BACH2: variants seen among roughly 807,000 people sequenced by gnomAD.
The protein encoded by BACH2 is transcription regulator protein BACH2.
BACH2 carries 5 observed loss-of-function variants against 61.8 expected under a neutral mutation model. The observed-to-expected ratio is 0.08, with a 90% CI of 0.04 to 0.17. The LOEUF is 0.17. BACH2 is among the 10% of genes least tolerant of loss of function. The pLI is 1.00. For missense variants in BACH2, 824 were observed against 1,091.1 expected (o/e 0.76, Z 3.45); for synonymous variants, 446 against 440.1 (o/e 1.01, Z -0.17).
intron 4 of BACH2, among the ~76,000 whole-genome samples, chr6:90,199,535 T>C (rs1768883892): frequency 6.6e-6 from 1 of 152,192 alleles, no homozygotes; most frequent in South Asian, 2.1e-4. Flanking sequence ...CTCAATTACA[T>C]GGTAAGTTGT....
In BACH2 at chr6:89,928,217, T is replaced by C. The variant is rs923441357; in HGVS notation, c.*4191A>G. The C allele has an allele frequency of 2.0e-5, 3 of 152,356 alleles. No individual in the cohort carries two copies. Among genetic ancestry groups the C allele is most frequent in the African/African-American group, 7.2e-5 (3 of 41,460 alleles). The allele number at this position is 152,356 out of a possible 1,614,324, so 9.4% of individuals were successfully genotyped here. On this transcript the variant is annotated 3_prime_UTR_variant, in exon 9 of 9. Transcript: ENST00000257749. ...TTCTTGCTCCTTCTGGATCTGAGAC[T>C]CCTCCTAAACTGTAAGCAATAGTGA...
At chr6:90,184,466 AC>A (rs1443140640) in intron 4 of BACH2, among the ~76,000 whole-genome samples, 1 of 152,176 alleles carries the variant, frequency 6.6e-6, no homozygotes, top group Non-Finnish European at 1.5e-5. Flanking sequence ...TCTCTGGCTA[AC>A]CTTCCTCCCT....
intron 4 of BACH2, among the ~76,000 whole-genome samples, chr6:90,093,251 G>GA (rs1188579972): frequency 1.3e-5 from 2 of 152,166 alleles, no homozygotes; most frequent in Non-Finnish European, 2.9e-5. Flanking sequence ...CAGTCTCAAA[G>GA]AGACGGCCAC....
intron 3 of BACH2, among the ~76,000 whole-genome samples, chr6:90,235,062 C>CT (rs1770214760): frequency 6.6e-6 from 1 of 152,172 alleles, no homozygotes; most frequent in Admixed American, 6.5e-5. Flanking sequence ...ATGGTAAAAT[C>CT]TTTTTTGCTT....
rs1270873701 is a variant in BACH2 at position 89,927,469 on chromosome 6, G to A, written c.*4939C>T. The A allele has an allele frequency of 2.6e-5, 4 of 152,806 alleles. No homozygotes were observed. Among genetic ancestry groups the A allele is most frequent in the African/African-American group, 9.6e-5 (4 of 41,464 alleles). 9.5% of individuals were successfully genotyped at this position (152,806 alleles called of 1,614,324 possible). Reference sequence around the variant, plus strand: ...CATGGGAGCACTTGGCACTGAATGTGAGTCTACCTGAAATGAATGGTCTTG... The same window carrying A: ...CATGGGAGCACTTGGCACTGAATGTAAGTCTACCTGAAATGAATGGTCTTG... On this transcript the variant is annotated 3_prime_UTR_variant, in exon 9 of 9. Transcript: ENST00000257749.
rs867799387 is a variant in BACH2, at chr6:90,128,588, C to T, written c.-161-39479G>A. Among the ~76,000 whole-genome samples the T allele has an allele frequency of 1.5e-4, 23 of 152,158 alleles. No individual in the cohort carries two copies. In the Middle Eastern group the frequency reaches 0.01, roughly 68 times the overall value. ...GGGCGAGACTCTGTCTCAACAACAA[C>T]AACAAAAAATTTTACACTGTTGGTG... On this transcript the variant is annotated intron_variant, in intron 4 of 8. Coordinates refer to ENST00000257749, the MANE Select transcript of BACH2 (RefSeq NM_021813.4).
intron 4 of BACH2, among the ~76,000 whole-genome samples, chr6:90,096,661 C>T (rs552666686): frequency 6.6e-6 from 1 of 152,266 alleles, no homozygotes; most frequent in African/African-American, 2.4e-5. Flanking sequence ...AGACATTGCC[C>T]TGGGGATCTG....
chr6:90,110,411 T>C (rs1016708371), intron 4 of BACH2, among the ~76,000 whole-genome samples: 2 of 152,248 alleles, frequency 1.3e-5, no homozygotes, highest in African/African-American at 4.8e-5. Context: ...CATTACCCAT[T>C]TGGTCATTTG....
chr6:89,942,278 A>G (rs1296919490), intron 7 of BACH2, among the ~76,000 whole-genome samples: 1 of 152,180 alleles, frequency 6.6e-6, no homozygotes, highest in African/African-American at 2.4e-5. Flanking sequence ...TCTGGAAATA[A>G]GGAGTAGCCA....
intron 4 of BACH2, among the ~76,000 whole-genome samples, chr6:90,191,936 A>G (rs1401102075): frequency 2.0e-5 from 3 of 152,238 alleles, no homozygotes; most frequent in Non-Finnish European, 1.5e-5. Context: ...AGATTTTGAC[A>G]TATTAAAAAC....
intron 4 of BACH2, among the ~76,000 whole-genome samples, chr6:90,197,832 T>C (rs959886414): frequency 6.6e-6 from 1 of 152,222 alleles, no homozygotes; most frequent in South Asian, 2.1e-4. Flanking sequence ...AAGAAAATAC[T>C]AGGCACTCCT....
chr6:90,164,840 A>C (rs1456661756), intron 4 of BACH2, among the ~76,000 whole-genome samples: 3 of 152,214 alleles, frequency 2.0e-5, no homozygotes, highest in Non-Finnish European at 1.5e-5. Flanking sequence ...AGATGCAGAA[A>C]AGGCCTTTGA....
chr6:90,090,345 C>T (rs1782109874), intron 4 of BACH2, among the ~76,000 whole-genome samples: 1 of 152,062 alleles, frequency 6.6e-6, no homozygotes, highest in African/African-American at 2.4e-5. Flanking sequence ...TTTTCTTACG[C>T]AGGTTCCCAG....
intron 5 of BACH2, among the ~76,000 whole-genome samples, chr6:90,075,493 G>A (rs1390510984): frequency 6.6e-6 from 1 of 152,090 alleles, no homozygotes; most frequent in Non-Finnish European, 1.5e-5. Context: ...GGCTTTCCAA[G>A]TGTGTTGGCT....
chr6:90,231,849 A>T (rs1770105219), intron 3 of BACH2, among the ~76,000 whole-genome samples: 1 of 152,334 alleles, frequency 6.6e-6, no homozygotes, highest in African/African-American at 2.4e-5. Context: ...TTATTTAATT[A>T]GTCAATATTT....
intron 4 of BACH2, among the ~76,000 whole-genome samples, chr6:90,166,158 G>A (rs752202642): frequency 4.6e-4 from 70 of 152,098 alleles, no homozygotes; most frequent in African/African-American, 6.5e-4. Context: ...AAATCTACTC[G>A]TCTGACAAAG....
intron 4 of BACH2, among the ~76,000 whole-genome samples, chr6:90,095,960 T>A (rs1340719417): frequency 1.3e-5 from 2 of 152,176 alleles, no homozygotes; most frequent in African/African-American, 4.8e-5. Flanking sequence ...CAACATGCAA[T>A]CTGAATCCAA....
intron 4 of BACH2, among the ~76,000 whole-genome samples, chr6:90,143,949 T>C (rs1465191387): frequency 6.6e-6 from 1 of 152,182 alleles, no homozygotes; most frequent in Non-Finnish European, 1.5e-5. Context: ...TAGAACTCTT[T>C]CCCCTGTTAG....
intron 1 of BACH2, among the ~76,000 whole-genome samples, chr6:90,291,623 A>C (rs1343719817): frequency 2.0e-5 from 3 of 151,916 alleles, no homozygotes; most frequent in Non-Finnish European, 4.4e-5. Context: ...CAAAAAAAAA[A>C]AGGTGAAAGT....
Sources: allele counts gnomAD v4.1 joint callset (sites outside exome capture counted in the v4.1 genomes callset), GRCh38; gene constraint gnomAD v4.1.1; transcripts MANE v1.5; gene names NCBI Gene and HGNC (gene_info 2026-07-23, HGNC 2026-07-21).